The following SLC13A3 variants were observed in gnomAD, a reference collection of about 807,000 sequenced individuals.
SLC13A3 encodes the protein solute carrier family 13 member 3.
SLC13A3 carries 40 observed loss-of-function variants against 59.0 expected under a neutral mutation model. The ratio of observed to expected loss-of-function variants is 0.68; its 90% CI spans 0.53 to 0.88. The LOEUF is 0.88. SLC13A3 is among the 40% of genes least tolerant of loss of function. The pLI, the probability that SLC13A3 is intolerant of heterozygous loss-of-function variation, is 0.00. For missense variants in SLC13A3, 699 were observed against 783.2 expected (o/e 0.89, Z 1.28); for synonymous variants, 317 against 330.3 (o/e 0.96, Z 0.44).
At chr20:46,643,113 G>A (rs2062860115) in intron 1 of SLC13A3, among the ~76,000 whole-genome samples, 1 of 151,644 alleles carries the variant, frequency 6.6e-6, no homozygotes, top group African/African-American at 2.4e-5. Context: ...TGCCAGGCAC[G>A]GGGCTGGCAC....
intron 9 of SLC13A3, among the ~76,000 whole-genome samples, chr20:46,578,905 GTCA>G (rs754672662): frequency 0.092 from 13,848 of 151,178 alleles, 700 homozygotes; most frequent in Non-Finnish European, 0.11. Flanking sequence ...CGTCGTCGTC[GTCA>G]TCATCATCAT....
At chr20:46,581,141 C>G (rs2062132477) in intron 9 of SLC13A3, among the ~76,000 whole-genome samples, 1 of 152,180 alleles carries the variant, frequency 6.6e-6, no homozygotes, top group Non-Finnish European at 1.5e-5. Flanking sequence ...CCCTGGAATT[C>G]CTTCCTGGGT....
chr20:46,636,304 T>C (rs1339191733), intron 1 of SLC13A3, among the ~76,000 whole-genome samples: 2 of 152,208 alleles, frequency 1.3e-5, no homozygotes, highest in Non-Finnish European at 2.9e-5. Context: ...GTCAGCTGCA[T>C]AGCTGAAAGG....
chr20:46,616,167 T>G (rs930063851), intron 1 of SLC13A3, among the ~76,000 whole-genome samples: 1 of 152,210 alleles, frequency 6.6e-6, no homozygotes, highest in Non-Finnish European at 1.5e-5. Flanking sequence ...AGATCCTGCA[T>G]CTCAGAGGTA....
intron 1 of SLC13A3, chr20:46,675,873 G>A (rs1313022789): frequency 6.6e-6 from 1 of 152,292 alleles, no homozygotes; most frequent in African/African-American, 2.4e-5. Flanking sequence ...CCTACGCCAG[G>A]GTGGTCAGGA....
chr20:46,677,588 T>C (rs1290868933), intron 1 of SLC13A3, among the ~76,000 whole-genome samples: 3 of 152,146 alleles, frequency 2.0e-5, no homozygotes, highest in African/African-American at 7.2e-5. Flanking sequence ...GGGCAGAGAC[T>C]ATGGGTGAAA....
intron 1 of SLC13A3, among the ~76,000 whole-genome samples, chr20:46,668,879 A>G (rs2063075482): frequency 6.6e-6 from 1 of 152,258 alleles, no homozygotes; most frequent in Non-Finnish European, 1.5e-5. Flanking sequence ...ATCTGTTTAC[A>G]GCATGTTTTA....
chr20:46,622,507 T>G (rs1427655019), intron 1 of SLC13A3, among the ~76,000 whole-genome samples: 1 of 152,156 alleles, frequency 6.6e-6, no homozygotes, highest in Non-Finnish European at 1.5e-5. Flanking sequence ...CAGCAGGCAC[T>G]TGAGCATTTA....
At chr20:46,655,925 A>G (rs1185263130), upstream of SLC13A3, among the ~76,000 whole-genome samples, 1 of 142,542 alleles carries the variant, frequency 7.0e-6, no homozygotes, top group Admixed American at 7.2e-5. Context: ...ATATATACGT[A>G]TATAATATAC....
intron 8 of SLC13A3, among the ~76,000 whole-genome samples, chr20:46,586,159 C>A (rs947831323): frequency 2.6e-5 from 4 of 152,178 alleles, no homozygotes; most frequent in African/African-American, 9.7e-5. Flanking sequence ...ATTTAAAATA[C>A]ATATGTGGCT....
intron 10 of SLC13A3, 98 bp from the exon 11 acceptor site, chr20:46,566,488 C>CATCTGGGAAGGGGTA: frequency 7.3e-7 from 1 of 1,377,594 alleles, no homozygotes; most frequent in Non-Finnish European, 9.8e-7. Context: ...GACCATACCC[C>CATCTGGGAAGGGGTA]TTCCCAGATG....
chr20:46,605,383 C>T (rs966163336), intron 3 of SLC13A3, among the ~76,000 whole-genome samples: 2 of 152,120 alleles, frequency 1.3e-5, no homozygotes, highest in African/African-American at 2.4e-5. Flanking sequence ...CACATGGAAA[C>T]AGGCCAGTGG....
intron 9 of SLC13A3, chr20:46,582,609 AAG>A: frequency 2.0e-6 from 2 of 981,438 alleles, no homozygotes; most frequent in Non-Finnish European, 2.4e-6. Context: ...TTAAAAAAAA[AAG>A]AAGAAGAAGA....
At chr20:46,612,771 T>C (rs2062512356) in intron 2 of SLC13A3, among the ~76,000 whole-genome samples, 1 of 152,086 alleles carries the variant, frequency 6.6e-6, no homozygotes, top group Non-Finnish European at 1.5e-5. Context: ...AACCCCTATT[T>C]TAAAGGCCAC....
intron 10 of SLC13A3, 81 bp downstream of exon 10, chr20:46,575,492 C>G: frequency 1.3e-6 from 1 of 752,688 alleles, no homozygotes. Flanking sequence ...TGCTCTGATC[C>G]TGGTGCTGCA....
intron 10 of SLC13A3, among the ~76,000 whole-genome samples, chr20:46,573,696 C>T (rs113596197): frequency 6.6e-6 from 1 of 152,172 alleles, no homozygotes; most frequent in African/African-American, 2.4e-5. Context: ...CTTTGAGCCT[C>T]AATCTATGGA....
In SLC13A3 at chr20:46,584,583, G is replaced by A. The variant is rs541504701; in HGVS notation, c.1122-914C>T. On this transcript the variant is annotated intron_variant, in intron 8 of 12. Coordinates refer to ENST00000279027, the MANE Select transcript of SLC13A3 (RefSeq NM_022829.6). ...TCAATATCACTATCATCAGAGAAAT[G>A]CAGATCAAAACACTAATGGTATACC... 12 of 777,998 alleles carry A rather than the reference G, an allele frequency of 1.5e-5. No homozygotes were observed. The East Asian group carries it at 1.5e-3, about 99-fold the overall frequency. The allele number at this position is 777,998 out of a possible 1,614,324, so 48.2% of individuals were successfully genotyped here.
rs904012135 is a variant in SLC13A3 at position 46,605,057 on chromosome 20, G to A, written c.542-5020C>T. ...TTTGCCACAGCCCTCGCCTGGCCCC[G>A]TTTGCTCTGCATCTGAGTTGAAGAG... On this transcript the variant is annotated intron_variant, in intron 3 of 12. Coordinates refer to ENST00000279027, the MANE Select transcript of SLC13A3 (RefSeq NM_022829.6). Among the ~76,000 whole-genome samples the A allele has an allele frequency of 4.5e-4, 69 of 152,250 alleles. 2 individuals carry two copies. Among genetic ancestry groups the A allele is most frequent in the Non-Finnish European group, 1.0e-4 (7 of 68,018 alleles).
rs149878669 is a variant in SLC13A3 at position 46,679,737 on chromosome 20, G to A, written c.-31+4659C>T. 1.4e-3 allele frequency among the ~76,000 whole-genome samples: 213 copies of A among 151,860 alleles called. 3 individuals are homozygous for A. The South Asian group carries it at 0.041, about 29-fold the overall frequency. On this transcript the variant is annotated intron_variant, in intron 1 of 6. Coordinates refer to the SLC13A3 transcript ENST00000372121. ...GCTTGGCCAATATGGTGATATCCCC[G>A]TCTTCACTAAAAATTCAAAAATTAG...
Sources: allele counts gnomAD v4.1 joint callset (sites outside exome capture counted in the v4.1 genomes callset), GRCh38; gene constraint gnomAD v4.1.1; transcripts MANE v1.5; gene names NCBI Gene and HGNC (gene_info 2026-07-23, HGNC 2026-07-21).